Variants in CLSTN2 observed in about 807,000 individuals in gnomAD.
The protein encoded by CLSTN2 is calsyntenin 2.
CLSTN2 carries 48 observed loss-of-function variants against 101.2 expected under a neutral mutation model. That is an observed-to-expected ratio of 0.47 (90% CI 0.38 to 0.60). The LOEUF (loss-of-function observed/expected upper bound fraction) is 0.60. Ranked by LOEUF, CLSTN2 falls within the 20% of genes least tolerant of loss-of-function variation. The pLI is 0.00. For missense variants in CLSTN2, 1,160 were observed against 1,238.2 expected (o/e 0.94, Z 0.95); for synonymous variants, 481 against 463.6 (o/e 1.04, Z -0.48).
intron 2 of CLSTN2, among the ~76,000 whole-genome samples, chr3:140,398,789 G>A (rs1644007150): frequency 1.3e-5 from 2 of 152,188 alleles, no homozygotes. Context: ...TCAAAGGAAG[G>A]AGCAAAATGT....
At chr3:140,264,092 G>A (rs997598615) in intron 2 of CLSTN2, among the ~76,000 whole-genome samples, 1 of 152,022 alleles carries the variant, frequency 6.6e-6, no homozygotes, top group African/African-American at 2.4e-5. Context: ...TCCCAGCTGA[G>A]GTCAAACGAG....
intron 2 of CLSTN2, among the ~76,000 whole-genome samples, chr3:140,262,643 A>G (rs2086663484): frequency 6.6e-6 from 1 of 152,156 alleles, no homozygotes; most frequent in Non-Finnish European, 1.5e-5. Flanking sequence ...GTGATGGTGC[A>G]ATAAGAGAAG....
intron 1 of CLSTN2, among the ~76,000 whole-genome samples, chr3:139,968,409 G>GTTC (rs1285033497): frequency 6.6e-6 from 1 of 152,218 alleles, no homozygotes; most frequent in Admixed American, 6.5e-5. Flanking sequence ...CACCTTCAGA[G>GTTC]GTGAACCCCT....
intron 2 of CLSTN2, among the ~76,000 whole-genome samples, chr3:140,220,661 G>A (rs541089361): frequency 5.5e-4 from 84 of 152,350 alleles, no homozygotes; most frequent in African/African-American, 1.6e-3. Context: ...TAAAGATAAT[G>A]TGAGTGGATT....
chr3:140,470,184 G>A (rs1933805551), intron 8 of CLSTN2, among the ~76,000 whole-genome samples: 1 of 152,390 alleles, frequency 6.6e-6, no homozygotes, highest in South Asian at 2.1e-4. Context: ...TTTATTCTGA[G>A]CACAAACTGT....
chr3:140,338,350 TA>T (rs1559842797), intron 2 of CLSTN2, among the ~76,000 whole-genome samples: 2 of 152,230 alleles, frequency 1.3e-5, no homozygotes, highest in Non-Finnish European at 2.9e-5. Flanking sequence ...TGTGATGCCG[TA>T]GCTCTTAGAA....
chr3:140,225,201 G>T (rs752529219), intron 2 of CLSTN2, among the ~76,000 whole-genome samples: 6 of 152,176 alleles, frequency 3.9e-5, no homozygotes, highest in Non-Finnish European at 7.3e-5. Context: ...TATGGGAAGG[G>T]CCCTGCTATC....
intron 4 of CLSTN2, among the ~76,000 whole-genome samples, chr3:140,412,159 G>A (rs1173490938): frequency 6.6e-6 from 1 of 152,170 alleles, no homozygotes; most frequent in Non-Finnish European, 1.5e-5. Context: ...GGGATTAACA[G>A]CATGCGCCAC....
intron 2 of CLSTN2, among the ~76,000 whole-genome samples, chr3:140,236,232 CT>C (rs1474260243): frequency 1.3e-5 from 2 of 152,102 alleles, no homozygotes; most frequent in Non-Finnish European, 2.9e-5. Flanking sequence ...ATAATTGCCT[CT>C]TTTAAACCTT....
rs1934987585 is a variant in CLSTN2, at chr3:140,519,608, T to C, written c.1345-12716T>C. Among the ~76,000 whole-genome samples the C allele has an allele frequency of 2.6e-5, 4 of 152,192 alleles. No individual in the cohort carries two copies. In the South Asian group the frequency reaches 8.3e-4, roughly 31 times the overall value. ...TAATTACCTTGTCTTTTTTTTTCTT[T>C]ATTGGTTTAAACTAGGATTGTGACC... On this transcript the variant is annotated intron_variant, in intron 8 of 16. Transcript: ENST00000458420.
At chr3:140,370,647 C>T (rs2087842835) in intron 2 of CLSTN2, among the ~76,000 whole-genome samples, 1 of 152,110 alleles carries the variant, frequency 6.6e-6, no homozygotes, top group Admixed American at 6.6e-5. Context: ...TCGGCATGCC[C>T]TCACCCTAGG....
intron 1 of CLSTN2, among the ~76,000 whole-genome samples, chr3:140,023,345 T>G (rs187015231): frequency 3.3e-5 from 5 of 152,170 alleles, no homozygotes; most frequent in Non-Finnish European, 5.9e-5. Context: ...CACCACGATG[T>G]GCACCTGGAA....
chr3:140,171,687 T>TATATAATATATTAATATATA (rs10658008), intron 1 of CLSTN2, among the ~76,000 whole-genome samples: 1 of 114,034 alleles, frequency 8.8e-6, no homozygotes, highest in Non-Finnish European at 1.7e-5. Context: ...TTATATATAA[T>TATATAATATATTAATATATA]ATATATTAAT....
Position 140,269,613 on chromosome 3 carries a change from GA to G in CLSTN2, c.232+93544del, listed in dbSNP as rs557108199. Among the ~76,000 whole-genome samples the G allele has an allele frequency of 1.2e-3, 188 of 152,334 alleles. 1 individual carries two copies. Among genetic ancestry groups the G allele is most frequent in the African/African-American group, 4.4e-3 (185 of 41,592 alleles). On this transcript the variant is annotated intron_variant, in intron 2 of 16. Transcript: ENST00000458420. ...GTAATTAAACAGCCCCTTCTGGAAA[GA>G]AAAGCTTTCGATATTATTGAGTGAA... is the stretch of plus-strand genomic sequence containing the variant.
intron 1 of CLSTN2, among the ~76,000 whole-genome samples, chr3:140,137,698 A>T (rs994676288): frequency 6.6e-6 from 1 of 152,166 alleles, no homozygotes; most frequent in African/African-American, 2.4e-5. Context: ...TATTTACATA[A>T]TGCTTTGCCG....
intron 8 of CLSTN2, among the ~76,000 whole-genome samples, chr3:140,471,202 G>A (rs1933839426): frequency 6.6e-6 from 1 of 152,188 alleles, no homozygotes; most frequent in Non-Finnish European, 1.5e-5. Context: ...GCAGAGGAGA[G>A]TGCCCAGCTG....
chr3:140,371,635 G>A (rs1363093165), intron 2 of CLSTN2, among the ~76,000 whole-genome samples: 1 of 152,186 alleles, frequency 6.6e-6, no homozygotes, highest in Non-Finnish European at 1.5e-5. Context: ...CTCACAGAAA[G>A]ACAGAGACGG....
chr3:139,996,341 G>GAA, intron 1 of CLSTN2, among the ~76,000 whole-genome samples: 1 of 152,288 alleles, frequency 6.6e-6, no homozygotes, highest in East Asian at 1.9e-4. Context: ...TTGGGTAGGT[G>GAA]GCTGTCCACA....
At chr3:140,159,748 A>G (rs1198351534) in intron 1 of CLSTN2, among the ~76,000 whole-genome samples, 2 of 152,166 alleles carry the variant, frequency 1.3e-5, no homozygotes, top group Non-Finnish European at 2.9e-5. Flanking sequence ...AATAGCAAAG[A>G]CATGGAATCA....
Sources: gnomAD v4.1 joint callset for allele counts (sites outside exome capture counted in the v4.1 genomes callset) on GRCh38, gnomAD v4.1.1 for gene constraint, MANE v1.5 for transcripts, NCBI Gene and HGNC (gene_info 2026-07-23, HGNC 2026-07-21) for gene names.